Variants in HAUS3 observed in about 807,000 individuals in gnomAD.
HAUS3 encodes the protein HAUS augmin-like complex subunit 3.
HAUS3 carries 36 observed loss-of-function variants against 55.2 expected under a neutral mutation model. That is an observed-to-expected ratio of 0.65 (90% confidence interval 0.50 to 0.86). The LOEUF is 0.86. HAUS3 is among the 40% of genes least tolerant of loss of function. The probability of loss-of-function intolerance (pLI) is 0.00; values close to 1 mark genes in which losing one functional copy is unlikely to be tolerated. For missense variants in HAUS3, 752 were observed against 671.5 expected, an observed-to-expected ratio of 1.12 and a Z score of -1.33; for synonymous variants, 234 against 238.6, an observed-to-expected ratio of 0.98 and a Z score of 0.18.
intron 1 of HAUS3, 91 bp downstream of exon 1, chr4:2,241,960 A>G: frequency 1.0e-6 from 1 of 985,230 alleles, no homozygotes; most frequent in Non-Finnish European, 1.2e-6. Flanking sequence ...GAGCGCAGGA[A>G]AAAAAAGAGG....
Position 2,238,621 on chromosome 4 carries a change from C to T in HAUS3, c.1332G>A (p.Lys444=), listed in dbSNP as rs764948409. 1.9e-6 allele frequency: 3 copies of T among 1,598,290 alleles called. No homozygotes were observed. The highest frequency in any genetic ancestry group is 1.7e-6 in the Non-Finnish European group (2 of 1,168,760). ...ATACGTACCTATGAGTAGAATAATC[C>T]TTAGTATCAATGGTATTCCTTGGAT... ...QINPRNTIDT[K]DYSTHRLYQV... The change falls in exon 4 of 6, where the codon AAG becomes AAA. Residue 444 remains lysine (K), a synonymous_variant. Transcript: ENST00000443786.
intron 4 of HAUS3, among the ~76,000 whole-genome samples, chr4:2,238,318 AG>A (rs1459922868): frequency 6.6e-6 from 1 of 152,196 alleles, no homozygotes; most frequent in Non-Finnish European, 1.5e-5. Context: ...ATCTAAAATA[AG>A]GTATATAAAT....
At chr4:2,241,465 G>C in intron 2 of HAUS3, 55 bp downstream of exon 2, 1 of 981,156 alleles carries the variant, frequency 1.0e-6, no homozygotes, top group South Asian at 4.7e-5. Flanking sequence ...CCCTCCGTAC[G>C]TAAGAAGACG....
At position 2,241,567 on chromosome 4, in the gene HAUS3, G is replaced by A. The variant is rs191599324; in HGVS notation, c.-195C>T. The A allele has an allele frequency of 3.0e-6, 3 of 985,768 alleles. No homozygotes were observed. In the African/African-American group the frequency reaches 5.2e-5, roughly 17 times the overall value. 61.1% of individuals were successfully genotyped at this position (985,768 alleles called of 1,614,324 possible). ...CTCCACCTCCAGAGTCCACCACCGC[G>A]ACGCGGAGAACAGCAGGAGCAGCAG... is the stretch of plus-strand genomic sequence containing the variant. On this transcript the variant is annotated 5_prime_UTR_variant, in exon 2 of 6. Transcript: ENST00000443786.
intron 5 of HAUS3, among the ~76,000 whole-genome samples, chr4:2,235,017 C>T (rs1734709706): frequency 6.6e-6 from 1 of 152,202 alleles, no homozygotes; most frequent in African/African-American, 2.4e-5. Context: ...TCCCAAGTAG[C>T]TGGGATTACA....
At chr4:2,232,586 G>A (rs896820740) in intron 5 of HAUS3, among the ~76,000 whole-genome samples, 106 of 152,178 alleles carry the variant, frequency 7.0e-4, no homozygotes, top group African/African-American at 2.5e-3. Flanking sequence ...TACAGAGAAA[G>A]TTGAAATGAA....
At chr4:2,239,388 T>C (rs1377967062) in intron 3 of HAUS3, among the ~76,000 whole-genome samples, 3 of 152,224 alleles carry the variant, frequency 2.0e-5, no homozygotes, top group African/African-American at 7.2e-5. Context: ...ATTACTTCAA[T>C]AGGTCCTAGT....
rs750317958 is a variant in HAUS3 at position 2,231,889 on chromosome 4, AAG to A, written c.*36_*37del. 5.7e-6 allele frequency: 5 copies of A among 884,004 alleles called. No individual in the cohort carries two copies. The highest frequency in any genetic ancestry group is 5.1e-5 in the East Asian group (2 of 38,856). 54.8% of individuals were successfully genotyped at this position (884,004 alleles called of 1,614,324 possible). On this transcript the variant is annotated 3_prime_UTR_variant, in exon 6 of 6. Transcript: ENST00000443786. The stretch of plus-strand genomic sequence containing the variant: ...TTATACACAGTCTTCTAATAAATAA[AAG>A]AGGACACGTAATAAAGATTCAGTTT...
rs1560107603 is a variant in HAUS3, at chr4:2,240,994, T to TTGA, written c.-51_-49dup. 1 of 1,379,738 alleles carries TTGA rather than the reference T, an allele frequency of 7.2e-7. No individual in the cohort carries two copies. Among genetic ancestry groups the TTGA allele is most frequent in the African/African-American group, 1.5e-5 (1 of 68,504 alleles). The allele number at this position is 1,379,738 out of a possible 1,614,324, so 85.5% of individuals were successfully genotyped here. A position where few individuals can be genotyped will look rare whatever the true frequency, so the allele number is the denominator to read the frequency against. ...TTGTATCTGATATGGGTTTACGGTG[T>TTGA]TGATTTTTAGAAAATAAATCCAAGC... On this transcript the variant is annotated 5_prime_UTR_variant, in exon 3 of 6. Coordinates refer to ENST00000443786, the MANE Select transcript of HAUS3 (RefSeq NM_001303143.2).
intron 2 of HAUS3, among the ~76,000 whole-genome samples, 159 bp from the exon 3 acceptor site, chr4:2,241,252 G>A (rs1022460249): frequency 5.3e-5 from 8 of 152,186 alleles, no homozygotes; most frequent in Non-Finnish European, 7.3e-5. Flanking sequence ...GAAACAATTA[G>A]GCTAGTTCTC....
In HAUS3 at chr4:2,234,884, G is replaced by C. The variant is rs181553861; in HGVS notation, c.1578+1344C>G. Among the ~76,000 whole-genome samples the C allele has an allele frequency of 3.3e-5, 5 of 152,136 alleles. No homozygotes were observed. The East Asian group carries it at 9.6e-4, about 29-fold the overall frequency. ...GAAAAAAATGATATACAACTACATG[G>C]AGAAATTTTCTTCTTTTTTGACACC... On this transcript the variant is annotated intron_variant, in intron 5 of 5. Coordinates refer to ENST00000443786, the MANE Select transcript of HAUS3 (RefSeq NM_001303143.2).
chr4:2,234,452 T>C (rs1734686462), intron 5 of HAUS3: 1 of 152,942 alleles, frequency 6.5e-6, no homozygotes, highest in Non-Finnish European at 1.5e-5. Context: ...CTGCCCCATA[T>C]CCTTGGTCTT....
Position 2,240,350 on chromosome 4 carries a change from G to C in HAUS3, c.597C>G (p.Ser199=), listed in dbSNP as rs1560106837. ...TNPLVFLSQF[S]LEKYLSQEEQ... ...CTTCCTGACTTAGGTATTTTTCCAA[G>C]GAAAATTGCGATAAAAATACCAGTG... is the stretch of plus-strand genomic sequence containing the variant. Residue 199 remains serine, a synonymous_variant, in exon 3 of 6, where the codon TCC becomes TCG. Transcript: ENST00000443786. The C allele has an allele frequency of 6.2e-7, 1 of 1,601,104 alleles. No individual in the cohort carries two copies. Among genetic ancestry groups the C allele is most frequent in the Non-Finnish European group, 8.5e-7 (1 of 1,172,116 alleles).
intron 4 of HAUS3, among the ~76,000 whole-genome samples, chr4:2,237,877 C>T (rs923419925): frequency 2.0e-5 from 3 of 151,936 alleles, no homozygotes; most frequent in African/African-American, 7.3e-5. Context: ...TGGTTCAATC[C>T]CAAAGCTGCC....
rs976197356 is a variant in HAUS3, at chr4:2,238,760, T to C, written c.1193A>G (p.His398Arg). ...QLSYEIELRK[H>R]RDIYRQLENL... ...TTCAAGTTGACGATATATGTCCCGA[T>C]GCTTTCTTAATTCAATTTCATATGA... The change falls in exon 4 of 6, where the codon CAT (histidine) becomes CGT (arginine). Residue 398 changes from histidine (H) to arginine (R), a missense_variant. By Grantham distance (29) the His-to-Arg change is conservative. Transcript: ENST00000443786. 2.5e-6 allele frequency: 4 copies of C among 1,613,730 alleles called. No homozygotes were observed. Among genetic ancestry groups the C allele is most frequent in the East Asian group, 4.5e-5 (2 of 44,810 alleles).
At chr4:2,237,339 G>A (rs935856261) in intron 4 of HAUS3, among the ~76,000 whole-genome samples, 5 of 151,276 alleles carry the variant, frequency 3.3e-5, no homozygotes, top group Non-Finnish European at 5.9e-5. Context: ...AGGAAGTTGA[G>A]GCAGGAGGAT....
Position 2,229,423 on chromosome 4 carries a change from G to T in HAUS3, c.*2504C>A. 1 of 474,640 alleles carries T rather than the reference G, an allele frequency of 2.1e-6. No individual in the cohort carries two copies. The highest frequency in any genetic ancestry group is 3.6e-6 in the Non-Finnish European group (1 of 278,250). The allele number at this position is 474,640 out of a possible 1,614,324, so 29.4% of individuals were successfully genotyped here. On this transcript the variant is annotated 3_prime_UTR_variant, in exon 6 of 6. Transcript: ENST00000443786. ...TAGATAGAAAGAAAAAAGCAAAATA[G>T]CTAGAGGCTTAATCCAGGTATCATA...
Position 2,238,600 on chromosome 4 carries a change from G to A in HAUS3, c.1349+4C>T, listed in dbSNP as rs1280115854. 24 of 1,537,302 alleles carry A rather than the reference G, an allele frequency of 1.6e-5. No homozygotes were observed. The highest frequency in any genetic ancestry group is 5.9e-5 in the South Asian group (5 of 84,382). On this transcript the variant is annotated splice_donor_region_variant and intron_variant, in intron 4 of 5. Transcript: ENST00000443786. Reference sequence around the variant, plus strand: ...TTACTAAAGAAACAATGAAGCATACGTACCTATGAGTAGAATAATCCTTAG... The same window carrying A: ...TTACTAAAGAAACAATGAAGCATACATACCTATGAGTAGAATAATCCTTAG...
intron 5 of HAUS3, among the ~76,000 whole-genome samples, chr4:2,234,932 C>A (rs1176193277): frequency 6.6e-6 from 1 of 152,222 alleles, no homozygotes; most frequent in African/African-American, 2.4e-5. Flanking sequence ...GTCGCCCAGG[C>A]TGGAGTGCAG....
Sources: allele counts gnomAD v4.1 joint callset (sites outside exome capture counted in the v4.1 genomes callset), GRCh38; gene constraint gnomAD v4.1.1; transcripts MANE v1.5; gene names NCBI Gene and HGNC (gene_info 2026-07-23, HGNC 2026-07-21).